The following FGF12 variants were observed in gnomAD, a reference collection of about 807,000 sequenced individuals.
FGF12 encodes fibroblast growth factor 12B.
In FGF12, 14 loss-of-function variants were observed where a neutral mutation model predicts 23.6. That is an observed-to-expected ratio of 0.59 (90% CI 0.39 to 0.93). The LOEUF is 0.93. Among genes scored for constraint, FGF12 ranks in the 40% least tolerant of loss-of-function variants. FGF12 has a pLI of 0.00. For synonymous variants in FGF12, 62 were observed against 77.3 expected (o/e 0.80, Z 1.04); for missense variants, 175 against 217.8 (o/e 0.80, Z 1.24).
chr3:192,572,840 A>T (rs1172504802), intron 2 of FGF12, among the ~76,000 whole-genome samples: 1 of 152,228 alleles, frequency 6.6e-6, no homozygotes, highest in African/African-American at 2.4e-5. Context: ...TGTATAGAAC[A>T]TTTTAAAAGC....
intron 2 of FGF12, among the ~76,000 whole-genome samples, chr3:192,557,726 G>C (rs1711848041): frequency 6.6e-6 from 1 of 151,676 alleles, no homozygotes; most frequent in Non-Finnish European, 1.5e-5. Context: ...TTATTACCAG[G>C]TGGTAACATA....
At chr3:192,650,863 G>A (rs560995799) in intron 2 of FGF12, among the ~76,000 whole-genome samples, 1 of 152,092 alleles carries the variant, frequency 6.6e-6, no homozygotes, top group Non-Finnish European at 1.5e-5. Flanking sequence ...AAGATAGCTT[G>A]AATTTTTTAC....
At chr3:192,255,294 T>C (rs773159334) in intron 4 of FGF12, among the ~76,000 whole-genome samples, 11 of 152,072 alleles carry the variant, frequency 7.2e-5, no homozygotes, top group Non-Finnish European at 1.3e-4. Flanking sequence ...ATTATAAACA[T>C]TGTCAACTTT....
At chr3:192,184,657 T>A (rs1716357576) in intron 4 of FGF12, among the ~76,000 whole-genome samples, 1 of 152,234 alleles carries the variant, frequency 6.6e-6, no homozygotes. Flanking sequence ...AATGCACATT[T>A]TGAGTTCATT....
chr3:192,522,174 G>A (rs1253024930), intron 2 of FGF12, among the ~76,000 whole-genome samples: 1 of 150,774 alleles, frequency 6.6e-6, no homozygotes, highest in Non-Finnish European at 1.5e-5. Context: ...CTCCAGCCTG[G>A]GCGACAGAGC....
Position 192,408,013 on chromosome 3 carries a change from G to T in FGF12, c.14-47475C>A. 6.2e-7 allele frequency: 1 copy of T among 1,600,770 alleles called. No individual in the cohort carries two copies. The highest frequency in any genetic ancestry group is 8.5e-7 in the Non-Finnish European group (1 of 1,174,174). On this transcript the variant is annotated intron_variant, in intron 2 of 5. Coordinates refer to ENST00000445105, the MANE Select transcript of FGF12 (RefSeq NM_004113.6). The surrounding 1 kb of genome is among the most constrained non-coding windows in gnomAD (Gnocchi z 7.3). Reference sequence around the variant, plus strand: ...CCCCTCTGGGGAGCCCACTCTCCGGGCTTCTACTGACCTGGTCTCCGCCTC... The same window carrying T: ...CCCCTCTGGGGAGCCCACTCTCCGGTCTTCTACTGACCTGGTCTCCGCCTC...
At chr3:192,659,313 T>G (rs978318564) in intron 2 of FGF12, among the ~76,000 whole-genome samples, 3 of 152,144 alleles carry the variant, frequency 2.0e-5, no homozygotes, top group African/African-American at 4.8e-5. Context: ...CAATGAAAAC[T>G]AAACTGATAA....
intron 2 of FGF12, among the ~76,000 whole-genome samples, chr3:192,388,636 T>C (rs1368845236): frequency 2.6e-5 from 4 of 152,156 alleles, no homozygotes; most frequent in East Asian, 3.9e-4. Flanking sequence ...AAGTTGAAGA[T>C]AGAATATAGA....
intron 4 of FGF12, among the ~76,000 whole-genome samples, chr3:192,219,503 T>G (rs1008310231): frequency 1.3e-5 from 2 of 152,230 alleles, no homozygotes; most frequent in Non-Finnish European, 2.9e-5. Flanking sequence ...ATAATAGATG[T>G]GGTTTGAACC....
intron 2 of FGF12, among the ~76,000 whole-genome samples, chr3:192,648,674 A>G (rs767094856): frequency 2.0e-5 from 3 of 152,190 alleles, no homozygotes; most frequent in Non-Finnish European, 4.4e-5. Flanking sequence ...ATTCATGATT[A>G]TGCTTTGTGC....
At chr3:192,302,759 TG>T (rs1171608074) in intron 4 of FGF12, among the ~76,000 whole-genome samples, 1 of 152,196 alleles carries the variant, frequency 6.6e-6, no homozygotes, top group Non-Finnish European at 1.5e-5. Context: ...GAGAGGTACA[TG>T]TGGAAAGTTT....
chr3:192,251,887 G>A (rs1256954631), intron 4 of FGF12, among the ~76,000 whole-genome samples: 4 of 152,066 alleles, frequency 2.6e-5, no homozygotes, highest in Non-Finnish European at 5.9e-5. Context: ...TGGTAGAAGG[G>A]TTCCAAATAT....
intron 2 of FGF12, among the ~76,000 whole-genome samples, chr3:192,420,320 C>A (rs933963121): frequency 2.7e-5 from 4 of 149,532 alleles, no homozygotes; most frequent in African/African-American, 1.0e-4. Context: ...CTTTAAGTTG[C>A]AGTCATGGTT....
intron 4 of FGF12, among the ~76,000 whole-genome samples, chr3:192,290,743 G>C (rs911457589): frequency 6.6e-6 from 1 of 152,078 alleles, no homozygotes; most frequent in Admixed American, 6.6e-5. Flanking sequence ...GAAAAGACAG[G>C]TTCTTAAATT....
At chr3:192,622,809 C>T (rs1418897811) in intron 2 of FGF12, among the ~76,000 whole-genome samples, 1 of 152,114 alleles carries the variant, frequency 6.6e-6, no homozygotes, top group East Asian at 1.9e-4. Flanking sequence ...CAGACACACA[C>T]ACGTGGCTAA....
intron 4 of FGF12, among the ~76,000 whole-genome samples, chr3:192,251,731 A>T (rs1179313443): frequency 2.6e-5 from 4 of 152,190 alleles, no homozygotes; most frequent in African/African-American, 9.6e-5. Flanking sequence ...GAGAAAAAAA[A>T]GCCAGATACA....
chr3:192,703,473 G>A (rs572958369), intron 2 of FGF12, among the ~76,000 whole-genome samples: 7 of 152,340 alleles, frequency 4.6e-5, no homozygotes, highest in African/African-American at 1.7e-4. Context: ...GATGGTAGTT[G>A]CTGAAGATTG....
intron 2 of FGF12, among the ~76,000 whole-genome samples, chr3:192,483,473 C>T (rs1036990680): frequency 5.9e-5 from 9 of 152,102 alleles, no homozygotes; most frequent in African/African-American, 2.2e-4. Flanking sequence ...GCTTTATGAA[C>T]AGAATTATGC....
chr3:192,512,826 A>C (rs1333728285), intron 2 of FGF12, among the ~76,000 whole-genome samples: 5 of 131,294 alleles, frequency 3.8e-5, no homozygotes. Context: ...CCTAGAGTAT[A>C]CTCAAATAAA....
Sources: gnomAD v4.1 joint callset for allele counts (sites outside exome capture counted in the v4.1 genomes callset) on GRCh38, gnomAD v4.1.1 for gene constraint, Gnocchi (gnomAD v3.1) non-coding constraint, MANE v1.5 for transcripts, NCBI Gene and HGNC (gene_info 2026-07-23, HGNC 2026-07-21) for gene names.